SLC12A8: variants seen among roughly 807,000 people sequenced by gnomAD.
SLC12A8 encodes cation-chloride cotransporter 9.
SLC12A8 carries 69 observed loss-of-function variants against 75.6 expected under a neutral mutation model. That is an observed-to-expected ratio of 0.91 (90% CI 0.75 to 1.11). The LOEUF (loss-of-function observed/expected upper bound fraction) is 1.11. SLC12A8 is among the 50% of genes most tolerant of loss of function. The pLI, the probability that SLC12A8 is intolerant of heterozygous loss-of-function variation, is 0.00. For synonymous variants in SLC12A8, 365 were observed against 372.8 expected (o/e 0.98, Z 0.24); for missense variants, 877 against 896.7 (o/e 0.98, Z 0.28).
chr3:125,152,648 A>G lies in SLC12A8; in HGVS notation c.623-16866T>C, dbSNP rs368633478. The stretch of plus-strand genomic sequence containing the variant: ...AGAGAAGGAACCACCCCTCCCCCCA[A>G]ACTCAAAGAAAAAATAACTACTTTG... On this transcript the variant is annotated intron_variant, in intron 5 of 13. Transcript: ENST00000469902. Among the ~76,000 whole-genome samples, 10 of 152,262 alleles carry G rather than the reference A, an allele frequency of 6.6e-5. No homozygotes were observed. In the South Asian group the frequency reaches 1.5e-3, roughly 22 times the overall value.
chr3:125,188,049 G>A (rs1934828846), intron 3 of SLC12A8, among the ~76,000 whole-genome samples: 1 of 152,170 alleles, frequency 6.6e-6, no homozygotes, highest in African/African-American at 2.4e-5. Context: ...CAAATCTCAT[G>A]TCGAAATGTG....
intron 2 of SLC12A8, among the ~76,000 whole-genome samples, chr3:125,207,776 T>C (rs1016117836): frequency 6.6e-6 from 1 of 152,192 alleles, no homozygotes; most frequent in African/African-American, 2.4e-5. Flanking sequence ...TAGCCTTCTG[T>C]TCACCTCCCT....
chr3:125,093,309 A>G (rs1215954438), intron 10 of SLC12A8, among the ~76,000 whole-genome samples: 1 of 152,152 alleles, frequency 6.6e-6, no homozygotes, highest in Non-Finnish European at 1.5e-5. Flanking sequence ...AAAGCTCCCT[A>G]CATAGCCCTT....
intron 2 of SLC12A8, among the ~76,000 whole-genome samples, chr3:125,209,099 G>A (rs546989441): frequency 6.6e-6 from 1 of 152,252 alleles, no homozygotes; most frequent in South Asian, 2.1e-4. Context: ...ATTGTTCAAA[G>A]GTTCCCAGGA....
intron 2 of SLC12A8, among the ~76,000 whole-genome samples, chr3:125,193,104 C>T (rs1337296332): frequency 6.6e-6 from 1 of 152,228 alleles, no homozygotes; most frequent in East Asian, 1.9e-4. Context: ...CGCAGTGGCT[C>T]ATGCCTGTAA....
chr3:125,173,560 T>C (rs1484622631), intron 5 of SLC12A8, among the ~76,000 whole-genome samples: 1 of 151,548 alleles, frequency 6.6e-6, no homozygotes, highest in Non-Finnish European at 1.5e-5. Flanking sequence ...AAACAAAACT[T>C]CTAGAATGAG....
intron 12 of SLC12A8, 52 bp downstream of exon 12, chr3:125,091,387 T>G: frequency 1.7e-6 from 2 of 1,191,820 alleles, no homozygotes; most frequent in Non-Finnish European, 2.5e-6. Flanking sequence ...TTTTTCCCAA[T>G]GAATGGTAGA....
chr3:125,113,660 G>A (rs548889189), intron 8 of SLC12A8, among the ~76,000 whole-genome samples: 30 of 152,288 alleles, frequency 2.0e-4, no homozygotes, highest in Non-Finnish European at 2.9e-4. Context: ...TTTGAGCAGA[G>A]GTGTGTCAAC....
intron 5 of SLC12A8, chr3:125,151,620 G>C (rs1021193304): frequency 6.6e-6 from 1 of 152,380 alleles, no homozygotes; most frequent in Non-Finnish European, 1.5e-5. Flanking sequence ...CTGCTTAGCA[G>C]AGTGGTGGCG....
chr3:125,108,227 G>T, intron 9 of SLC12A8, 101 bp from the exon 10 acceptor site: 2 of 1,151,442 alleles, frequency 1.7e-6, no homozygotes, highest in Non-Finnish European at 2.4e-6. Flanking sequence ...TAATGACTCA[G>T]CCACTTCTCC....
intron 8 of SLC12A8, among the ~76,000 whole-genome samples, chr3:125,116,131 G>T (rs1427986683): frequency 6.6e-6 from 1 of 152,222 alleles, no homozygotes; most frequent in African/African-American, 2.4e-5. Flanking sequence ...AGCAGAAAAG[G>T]TGTGGGAGGA....
chr3:125,155,968 G>A (rs1230844974), intron 5 of SLC12A8, among the ~76,000 whole-genome samples: 2 of 152,062 alleles, frequency 1.3e-5, no homozygotes, highest in Non-Finnish European at 2.9e-5. Flanking sequence ...GTATGCTCAG[G>A]GTGAAAGAGA....
rs1208781368 is a variant in SLC12A8 at position 125,083,196 on chromosome 3, A to G, written c.*694T>C. On this transcript the variant is annotated 3_prime_UTR_variant, in exon 14 of 14. Transcript: ENST00000469902. ...GTGAGTGTATTATTTATTTTTGAATAAATAATACAATAAAATATAAAACAT... is the reference window on the plus strand; with the variant it reads ...GTGAGTGTATTATTTATTTTTGAATGAATAATACAATAAAATATAAAACAT... 1 of 152,180 alleles carries G rather than the reference A, an allele frequency of 6.6e-6. No homozygotes were observed. Among genetic ancestry groups the G allele is most frequent in the African/African-American group, 2.4e-5 (1 of 41,428 alleles). 9.4% of individuals were successfully genotyped at this position (152,180 alleles called of 1,614,324 possible). A position where few individuals can be genotyped will look rare whatever the true frequency, so the allele number is the denominator to read the frequency against.
At chr3:125,153,129 T>A (rs1933971263) in intron 5 of SLC12A8, among the ~76,000 whole-genome samples, 1 of 152,196 alleles carries the variant, frequency 6.6e-6, no homozygotes, top group South Asian at 2.1e-4. Context: ...CCTAGGACTG[T>A]GTCCATCCAT....
intron 6 of SLC12A8, chr3:125,123,709 C>T (rs764621848): frequency 6.6e-6 from 1 of 152,130 alleles, no homozygotes; most frequent in African/African-American, 2.4e-5. Context: ...AGAGACTCAC[C>T]CTCATGATTC....
intron 10 of SLC12A8, among the ~76,000 whole-genome samples, chr3:125,098,554 CCACACACACACACACACACA>C (rs3222429): frequency 6.9e-6 from 1 of 143,920 alleles, no homozygotes; most frequent in Non-Finnish European, 1.5e-5. Context: ...TGAATCTTCT[CCACACACACACACACACACA>C]CACACACACA....
Position 125,083,340 on chromosome 3 carries a change from C to T in SLC12A8, c.*550G>A, listed in dbSNP as rs1938375614. The T allele has an allele frequency of 1.3e-5, 2 of 157,128 alleles. No homozygotes were observed. The highest frequency in any genetic ancestry group is 4.8e-5 in the African/African-American group (2 of 41,442). 9.7% of individuals were successfully genotyped at this position (157,128 alleles called of 1,614,324 possible). Reference sequence around the variant, plus strand: ...GGGTGTCGTGTTGCAGAGGCTAGCACCATTCCTGATGTCACCCTGGGTGAG... The same window carrying T: ...GGGTGTCGTGTTGCAGAGGCTAGCATCATTCCTGATGTCACCCTGGGTGAG... On this transcript the variant is annotated 3_prime_UTR_variant, in exon 14 of 14. Coordinates refer to ENST00000469902, the MANE Select transcript of SLC12A8 (RefSeq NM_024628.6).
At position 125,082,771 on chromosome 3, in the gene SLC12A8, TTG is replaced by T. The variant is rs1472813191; in HGVS notation, c.*1117_*1118del. On this transcript the variant is annotated 3_prime_UTR_variant, in exon 14 of 14. Coordinates refer to ENST00000469902, the MANE Select transcript of SLC12A8 (RefSeq NM_024628.6). ...AGAGATACACTTTATGCTTGCACAT[TTG>T]TACAAGATTATTCACTGCAGAGCTG... 1.3e-5 allele frequency: 2 copies of T among 152,362 alleles called. No individual in the cohort carries two copies. The highest frequency in any genetic ancestry group is 2.9e-5 in the Non-Finnish European group (2 of 68,026). 9.4% of individuals were successfully genotyped at this position (152,362 alleles called of 1,614,324 possible). A position where few individuals can be genotyped will look rare whatever the true frequency, so the allele number is the denominator to read the frequency against.
intron 8 of SLC12A8, 97 bp downstream of exon 8, chr3:125,118,672 C>A: frequency 1.3e-6 from 1 of 793,238 alleles, no homozygotes; most frequent in Non-Finnish European, 2.1e-6. Context: ...TATGGATTCC[C>A]AGACAGTACT....
Sources: gnomAD v4.1 joint callset for allele counts (sites outside exome capture counted in the v4.1 genomes callset) on GRCh38, gnomAD v4.1.1 for gene constraint, MANE v1.5 for transcripts, NCBI Gene and HGNC (gene_info 2026-07-23, HGNC 2026-07-21) for gene names.